MAST2: variants seen among roughly 807,000 people sequenced by gnomAD.
MAST2 encodes microtubule associated serine/threonine kinase 2, also known as microtubule-associated serine/threonine-protein kinase 2.
In MAST2, 70 loss-of-function variants were observed where a neutral mutation model predicts 147.4. The ratio of observed to expected loss-of-function variants is 0.47; its 90% CI spans 0.39 to 0.58. The LOEUF is 0.58. MAST2 is among the 20% of genes least tolerant of loss of function. The pLI, the probability that MAST2 is intolerant of heterozygous loss-of-function variation, is 0.00. For missense variants in MAST2, 2,080 were observed against 2,302.3 expected (o/e 0.90, Z 1.98); for synonymous variants, 869 against 896.8 (o/e 0.97, Z 0.55).
intron 9 of MAST2, among the ~76,000 whole-genome samples, chr1:46,009,779 C>G (rs1421103950): frequency 6.6e-6 from 1 of 152,144 alleles, no homozygotes; most frequent in African/African-American, 2.4e-5. Context: ...TCACCCTCTT[C>G]CTCTTTCATT....
rs539928637 is a variant in MAST2 at position 45,905,945 on chromosome 1, G to A, written c.500+23550G>A. ...ATGTCGAGGGTTCCAGTTGGCCCAC[G>A]TCCACATCAAAACTTGTTATGATCA... On this transcript the variant is annotated intron_variant, in intron 4 of 28. Coordinates refer to ENST00000361297, the MANE Select transcript of MAST2 (RefSeq NM_015112.3). Among the ~76,000 whole-genome samples the A allele has an allele frequency of 1.1e-4, 16 of 152,150 alleles. No individual in the cohort carries two copies. The East Asian group carries it at 1.7e-3, about 16-fold the overall frequency.
intron 4 of MAST2, among the ~76,000 whole-genome samples, chr1:45,898,688 G>A (rs548467634): frequency 1.3e-5 from 2 of 152,096 alleles, no homozygotes; most frequent in Non-Finnish European, 2.9e-5. Context: ...GAGAATCTGC[G>A]CCATAGCCAT....
chr1:45,930,223 A>AC (rs1262330241), intron 4 of MAST2, among the ~76,000 whole-genome samples: 3 of 152,036 alleles, frequency 2.0e-5, no homozygotes, highest in Admixed American at 6.6e-5. Flanking sequence ...GATTACAGGC[A>AC]CCCACCACCA....
intron 1 of MAST2, among the ~76,000 whole-genome samples, chr1:45,811,869 C>T (rs986706388): frequency 1.3e-5 from 2 of 152,058 alleles, no homozygotes; most frequent in Non-Finnish European, 2.9e-5. Flanking sequence ...CTCCTGACCT[C>T]GTGATCCGCC....
At chr1:45,988,809 A>G (rs944596687) in intron 5 of MAST2, among the ~76,000 whole-genome samples, 1 of 151,900 alleles carries the variant, frequency 6.6e-6, no homozygotes, top group African/African-American at 2.4e-5. Context: ...ACTTAGATCA[A>G]TTTGGTGGTT....
chr1:45,834,531 G>A (rs1002915045), intron 3 of MAST2, among the ~76,000 whole-genome samples: 8 of 152,206 alleles, frequency 5.3e-5, no homozygotes, highest in South Asian at 2.1e-4. Flanking sequence ...AAAACAGATC[G>A]TAGAATCATA....
rs763638727 is a variant in MAST2, at chr1:45,917,393, A to G, written c.500+34998A>G. On this transcript the variant is annotated intron_variant, in intron 4 of 28. Transcript: ENST00000361297. ...TAAACCAGCACATGTTTTCACCCAC[A>G]TCTGCTCCAGCCCTCTTCCTCACTA... The G allele has an allele frequency of 8.8e-6, 12 of 1,366,414 alleles. No individual in the cohort carries two copies. In the East Asian group the frequency reaches 5.0e-4, roughly 57 times the overall value. 84.6% of individuals were successfully genotyped at this position (1,366,414 alleles called of 1,614,324 possible). A position where few individuals can be genotyped will look rare whatever the true frequency, so the allele number is the denominator to read the frequency against.
intron 4 of MAST2, among the ~76,000 whole-genome samples, chr1:45,925,571 G>T (rs1030957645): frequency 6.6e-6 from 1 of 152,196 alleles, no homozygotes; most frequent in African/African-American, 2.4e-5. Flanking sequence ...TGGCCCAGCT[G>T]TAGGCCTGCT....
intron 4 of MAST2, among the ~76,000 whole-genome samples, chr1:45,957,868 T>C (rs909678236): frequency 1.3e-5 from 2 of 152,180 alleles, no homozygotes; most frequent in Non-Finnish European, 2.9e-5. Context: ...CCAGGTGCAG[T>C]TGCAAAATAG....
At chr1:45,832,439 T>C (rs906034867) in intron 3 of MAST2, among the ~76,000 whole-genome samples, 5 of 151,984 alleles carry the variant, frequency 3.3e-5, no homozygotes, top group African/African-American at 9.7e-5. Context: ...GGATTACAGA[T>C]GTGTGCCACC....
intron 4 of MAST2, chr1:45,917,678 T>C (rs1370285571): frequency 3.6e-6 from 2 of 548,428 alleles, no homozygotes; most frequent in Non-Finnish European, 2.9e-6. Flanking sequence ...TATCACAGAT[T>C]TCTGTTGTAT....
intron 3 of MAST2, among the ~76,000 whole-genome samples, chr1:45,856,553 C>T (rs1446506484): frequency 1.3e-5 from 2 of 152,080 alleles, no homozygotes; most frequent in African/African-American, 4.8e-5. Flanking sequence ...TAACAAGACA[C>T]TTTATTCTTT....
chr1:45,977,872 G>A (rs984160050), intron 5 of MAST2, among the ~76,000 whole-genome samples: 4 of 151,366 alleles, frequency 2.6e-5, no homozygotes, highest in African/African-American at 9.7e-5. Flanking sequence ...CACAAGGTGC[G>A]AGAAGATAAT....
chr1:45,989,254 A>G (rs1454801653), intron 5 of MAST2, among the ~76,000 whole-genome samples: 2 of 152,154 alleles, frequency 1.3e-5, no homozygotes, highest in Non-Finnish European at 2.9e-5. Flanking sequence ...ACAATGAGAA[A>G]CCTGGGTCCC....
At chr1:45,809,795 G>A (rs1644240976) in intron 1 of MAST2, among the ~76,000 whole-genome samples, 1 of 152,196 alleles carries the variant, frequency 6.6e-6, no homozygotes, top group Non-Finnish European at 1.5e-5. Flanking sequence ...TCAAAATTCT[G>A]TGGTTTAAAA....
At chr1:45,828,602 G>A (rs1021639622) in intron 2 of MAST2, among the ~76,000 whole-genome samples, 1 of 152,192 alleles carries the variant, frequency 6.6e-6, no homozygotes, top group Non-Finnish European at 1.5e-5. Flanking sequence ...GGAAGAAGGG[G>A]AGAAATGAGA....
At position 46,034,918 on chromosome 1, in the gene MAST2, G is replaced by A. The variant is rs576310938; in HGVS notation, c.4249G>A (p.Ala1417Thr). Residue 1417 changes from alanine to threonine, a missense_variant, in exon 29 of 29, where the codon GCC becomes ACC. This residue lies in a region of MAST2 where 1,278 missense variants were observed against 1,304.2 expected (regional missense o/e 0.98). Coordinates refer to ENST00000361297, the MANE Select transcript of MAST2 (RefSeq NM_015112.3). ...TGAGAAACTGGCAGCAGCACTTGCC[G>A]CCTCTGAGAAGAAGCTAGCCACTTC... is the stretch of plus-strand genomic sequence containing the variant. ...SAEKLAAALA[A>T]SEKKLATSRK... 1.2e-5 allele frequency: 19 copies of A among 1,614,156 alleles called. No homozygotes were observed. The highest frequency in any genetic ancestry group is 5.3e-5 in the African/African-American group (4 of 75,062).
chr1:46,020,488 T>G (rs1646139176), intron 11 of MAST2, among the ~76,000 whole-genome samples: 1 of 152,116 alleles, frequency 6.6e-6, no homozygotes, highest in African/African-American at 2.4e-5. Context: ...CCAGAAAGTT[T>G]AGGTAAGAAT....
intron 1 of MAST2, among the ~76,000 whole-genome samples, chr1:45,809,185 C>T (rs1053969484): frequency 6.6e-6 from 1 of 152,166 alleles, no homozygotes. Context: ...GTATCTTCAG[C>T]CTCTAGTATT....
Sources: allele counts gnomAD v4.1 joint callset (sites outside exome capture counted in the v4.1 genomes callset), GRCh38; gene constraint gnomAD v4.1.1; regional missense constraint gnomAD v4.1.1; transcripts MANE v1.5; gene names NCBI Gene and HGNC (gene_info 2026-07-23, HGNC 2026-07-21).